TMEFF1: variants seen among roughly 807,000 people sequenced by gnomAD.
TMEFF1 encodes the protein tomoregulin-1.
TMEFF1 carries 20 observed loss-of-function variants against 47.5 expected under a neutral mutation model. The observed-to-expected ratio is 0.42, with a 90% CI of 0.30 to 0.61. The LOEUF is 0.61. TMEFF1 is among the 20% of genes least tolerant of loss of function. TMEFF1 has a pLI of 0.19. For missense variants in TMEFF1, 411 were observed against 471.1 expected (o/e 0.87, Z 1.18); for synonymous variants, 162 against 166.3 (o/e 0.97, Z 0.20).
At chr9:100,524,893 A>G (rs1390362788) in intron 5 of TMEFF1, among the ~76,000 whole-genome samples, 1 of 151,194 alleles carries the variant, frequency 6.6e-6, no homozygotes, top group African/African-American at 2.4e-5. Context: ...CCTCCCCCAG[A>G]CCCCCACCCC....
In TMEFF1 at chr9:100,488,272, A is replaced by T. The variant is rs1490084329; in HGVS notation, c.197-10493A>T. Among the ~76,000 whole-genome samples, 12 of 152,128 alleles carry T rather than the reference A, an allele frequency of 7.9e-5. 1 individual carries two copies. Among genetic ancestry groups the T allele is most frequent in the Admixed American group, 7.9e-4 (12 of 15,280 alleles). On this transcript the variant is annotated intron_variant, in intron 1 of 9. Coordinates refer to ENST00000374879, the MANE Select transcript of TMEFF1 (RefSeq NM_003692.5). ...CTTAGTTGTCTTTTCATATCACTAC[A>T]TGTGTTTCTACCAAAGTCTGTGTAG...
At chr9:100,510,782 G>A (rs1049579615) in intron 3 of TMEFF1, among the ~76,000 whole-genome samples, 2 of 152,082 alleles carry the variant, frequency 1.3e-5, no homozygotes, top group African/African-American at 2.4e-5. Context: ...GATATTCATA[G>A]TTTTTATTGG....
chr9:100,498,766 A>G lies in TMEFF1; in HGVS notation c.198A>G (p.Glu66=), dbSNP rs1380340561. The G allele has an allele frequency of 6.2e-7, 1 of 1,611,856 alleles. No homozygotes were observed. The highest frequency in any genetic ancestry group is 2.2e-5 in the East Asian group (1 of 44,854). Residue 66 remains glutamate (E), a splice_region_variant and synonymous_variant, in exon 2 of 10, where the codon GAA becomes GAG. Transcript: ENST00000374879. The part of the protein sequence containing the change: ...GGKGKSINCS[E]LNVRESDVRV... ...TCAAACAATTTTTTTCTTTTGCAGA[A>G]TTAAATGTGAGGGAGTCTGACGTAA...
chr9:100,568,277 A>G (rs1218889873), intron 8 of TMEFF1, among the ~76,000 whole-genome samples: 1 of 152,200 alleles, frequency 6.6e-6, no homozygotes, highest in South Asian at 2.1e-4. Context: ...CATATCTAGG[A>G]CATTGTTACA....
At chr9:100,482,608 C>A (rs1164500562) in intron 1 of TMEFF1, among the ~76,000 whole-genome samples, 1 of 152,184 alleles carries the variant, frequency 6.6e-6, no homozygotes, top group Non-Finnish European at 1.5e-5. Flanking sequence ...TTGCCCAGTC[C>A]TCAACCAGCC....
intron 1 of TMEFF1, among the ~76,000 whole-genome samples, chr9:100,474,639 T>A (rs1269860500): frequency 6.6e-6 from 1 of 151,946 alleles, no homozygotes; most frequent in Non-Finnish European, 1.5e-5. Context: ...TGCCCTTGTG[T>A]AGCAAGGTGT....
chr9:100,542,518 C>T (rs1838652396), intron 5 of TMEFF1, among the ~76,000 whole-genome samples: 1 of 152,116 alleles, frequency 6.6e-6, no homozygotes. Flanking sequence ...TACCCTTATT[C>T]TCAAAAGATT....
At chr9:100,554,095 C>G (rs1838874480) in intron 7 of TMEFF1, among the ~76,000 whole-genome samples, 1 of 152,116 alleles carries the variant, frequency 6.6e-6, no homozygotes, top group South Asian at 2.1e-4. Context: ...TGTCCCAACC[C>G]CCACCCCATC....
chr9:100,519,634 T>A (rs1029789336), intron 5 of TMEFF1, among the ~76,000 whole-genome samples: 3 of 145,766 alleles, frequency 2.1e-5, no homozygotes, highest in Admixed American at 6.9e-5. Context: ...CTTTGAGGAC[T>A]GCTGCCCAGT....
Position 100,502,926 on chromosome 9 carries a change from C to G in TMEFF1, c.306+4052C>G, listed in dbSNP as rs117030065. ...ATGTAAAGATGTTTAAAGACTGGTTCCTTGCCTTGTAGGAGCAAACTGCCT... is the reference window on the plus strand; with the variant it reads ...ATGTAAAGATGTTTAAAGACTGGTTGCTTGCCTTGTAGGAGCAAACTGCCT... On this transcript the variant is annotated intron_variant, in intron 2 of 9. Transcript: ENST00000374879. Among the ~76,000 whole-genome samples, 32 of 152,284 alleles carry G rather than the reference C, an allele frequency of 2.1e-4. No individual in the cohort carries two copies. The East Asian group carries it at 4.1e-3, about 19-fold the overall frequency.
At chr9:100,541,212 G>A (rs1270915630) in intron 5 of TMEFF1, among the ~76,000 whole-genome samples, 1 of 151,958 alleles carries the variant, frequency 6.6e-6, no homozygotes, top group African/African-American at 2.4e-5. Context: ...CTTTTTTTGG[G>A]AAGTATTTAA....
chr9:100,556,465 T>G (rs1448859079), intron 7 of TMEFF1, among the ~76,000 whole-genome samples: 2 of 152,090 alleles, frequency 1.3e-5, no homozygotes, highest in African/African-American at 4.8e-5. Context: ...ATTGTTTGAG[T>G]AGGGGTGGGA....
chr9:100,496,317 G>T (rs1837647633), intron 1 of TMEFF1, among the ~76,000 whole-genome samples: 2 of 152,296 alleles, frequency 1.3e-5, no homozygotes, highest in South Asian at 4.1e-4. Flanking sequence ...TCTCCTCACT[G>T]CAGCCTCCTC....
chr9:100,540,416 C>G (rs1056371032), intron 5 of TMEFF1, among the ~76,000 whole-genome samples: 2 of 152,244 alleles, frequency 1.3e-5, no homozygotes, highest in African/African-American at 2.4e-5. Context: ...GGCACCTAGC[C>G]TGGGCACTCT....
At chr9:100,513,267 G>A (rs757686080) in intron 3 of TMEFF1, 40 bp from the exon 4 acceptor site, 30 of 1,571,744 alleles carry the variant, frequency 1.9e-5, no homozygotes, top group Non-Finnish European at 2.4e-5. Flanking sequence ...TGAAATTTCC[G>A]GGAAAAATGT....
At chr9:100,574,972 T>G (rs574227522) in intron 9 of TMEFF1, among the ~76,000 whole-genome samples, 1 of 152,246 alleles carries the variant, frequency 6.6e-6, no homozygotes, top group Non-Finnish European at 1.5e-5. Context: ...TTTCTAACTA[T>G]GTCACAGTGT....
chr9:100,541,549 G>A (rs1164168981), intron 5 of TMEFF1, among the ~76,000 whole-genome samples: 4 of 151,120 alleles, frequency 2.6e-5, no homozygotes, highest in African/African-American at 9.7e-5. Flanking sequence ...AATTTTTTGT[G>A]TTTTTAGTAG....
rs564719840 is a variant in TMEFF1, at chr9:100,533,242, A to AAT, written c.561-14501_561-14500insTA. ...ACCGTAGAACTTAAAGTATAATAAT[A>AAT]AAAAAAAAATGCCTGGATCCGATGC... On this transcript the variant is annotated intron_variant, in intron 5 of 9. Coordinates refer to ENST00000374879, the MANE Select transcript of TMEFF1 (RefSeq NM_003692.5). Among the ~76,000 whole-genome samples the AAT allele has an allele frequency of 1.4e-4, 21 of 149,800 alleles. No individual in the cohort carries two copies. In the South Asian group the frequency reaches 4.6e-3, roughly 33 times the overall value.
intron 1 of TMEFF1, among the ~76,000 whole-genome samples, chr9:100,481,251 G>C (rs945005533): frequency 1.3e-5 from 2 of 152,160 alleles, no homozygotes; most frequent in African/African-American, 2.4e-5. Flanking sequence ...GTCTCTGTAT[G>C]TAGCTCTATG....
Sources: gnomAD v4.1 joint callset for allele counts (sites outside exome capture counted in the v4.1 genomes callset) on GRCh38, gnomAD v4.1.1 for gene constraint, MANE v1.5 for transcripts, NCBI Gene and HGNC (gene_info 2026-07-23, HGNC 2026-07-21) for gene names.